TXNRD1: variants seen among roughly 807,000 people sequenced by gnomAD.
TXNRD1 encodes the protein thioredoxin reductase 1.
In TXNRD1, 57 loss-of-function variants were observed where a neutral mutation model predicts 80.3. That is an observed-to-expected ratio of 0.71 (90% CI 0.57 to 0.89). TXNRD1 has a LOEUF of 0.89. Among genes scored for constraint, TXNRD1 ranks in the 40% least tolerant of loss-of-function variants. TXNRD1 has a pLI of 0.00. For missense variants in TXNRD1, 730 were observed against 803.0 expected (o/e 0.91, Z 1.10); for synonymous variants, 291 against 285.2 (o/e 1.02, Z -0.20).
chr12:104,245,274 G>A (rs61109788), intron 1 of TXNRD1, among the ~76,000 whole-genome samples: 7,344 of 151,840 alleles, frequency 0.048, 470 homozygotes, highest in African/African-American at 0.15. Flanking sequence ...CACTTTGGGA[G>A]GCTGCGGCAG....
At chr12:104,345,176 T>G (rs1303662102) in intron 16 of TXNRD1, among the ~76,000 whole-genome samples, 1 of 152,240 alleles carries the variant, frequency 6.6e-6, no homozygotes, top group Non-Finnish European at 1.5e-5. Context: ...TGTTTTAATT[T>G]TACATGCCTT....
intron 4 of TXNRD1, among the ~76,000 whole-genome samples, chr12:104,302,010 T>G (rs960332004): frequency 6.6e-6 from 1 of 152,254 alleles, no homozygotes; most frequent in Non-Finnish European, 1.5e-5. Flanking sequence ...AGTTATACAT[T>G]CAGTACATAA....
intron 16 of TXNRD1, among the ~76,000 whole-genome samples, chr12:104,343,165 C>T (rs1023592588): frequency 1.3e-5 from 2 of 152,146 alleles, no homozygotes; most frequent in Non-Finnish European, 2.9e-5. Context: ...TTGTGAGCAC[C>T]CCATGCGGTG....
At chr12:104,268,382 G>A (rs1195891631) in intron 3 of TXNRD1, among the ~76,000 whole-genome samples, 5 of 150,790 alleles carry the variant, frequency 3.3e-5, no homozygotes, top group African/African-American at 9.7e-5. Context: ...CATATTAGCC[G>A]GGCATGGTGG....
At chr12:104,258,500 C>T (rs1456430646) in intron 3 of TXNRD1, among the ~76,000 whole-genome samples, 1 of 152,094 alleles carries the variant, frequency 6.6e-6, no homozygotes, top group Non-Finnish European at 1.5e-5. Flanking sequence ...GTGAAAGATC[C>T]ATGAAAAGTG....
At chr12:104,228,573 G>T (rs960325474) in intron 1 of TXNRD1, among the ~76,000 whole-genome samples, 1 of 152,160 alleles carries the variant, frequency 6.6e-6, no homozygotes, top group African/African-American at 2.4e-5. Flanking sequence ...AGAGATTGTG[G>T]TGAGCCAAGA....
At chr12:104,257,273 T>A (rs1273230538) in intron 2 of TXNRD1, among the ~76,000 whole-genome samples, 1 of 152,076 alleles carries the variant, frequency 6.6e-6, no homozygotes, top group African/African-American at 2.4e-5. Context: ...CAGAGCATAA[T>A]AGGTTTTTTG....
At chr12:104,237,036 G>T (rs1042379210) in intron 1 of TXNRD1, among the ~76,000 whole-genome samples, 2 of 151,872 alleles carry the variant, frequency 1.3e-5, no homozygotes, top group Non-Finnish European at 1.5e-5. Flanking sequence ...ACTCCGTTCT[G>T]GGGGGGTTGG....
Position 104,339,014 on chromosome 12 carries a change from C to A in TXNRD1, c.1747-125C>A. ...TACAGGCGTGAGCCACTGCGCCCGG[C>A]CAGTCTCTGGTCATTTTTGAGTTGG... On this transcript the variant is annotated intron_variant, in intron 15 of 16. Coordinates refer to ENST00000525566, the MANE Select transcript of TXNRD1 (RefSeq NM_001093771.3). 3.0e-6 allele frequency: 4 copies of A among 1,324,058 alleles called. No individual in the cohort carries two copies. In the South Asian group the frequency reaches 5.8e-5, roughly 19 times the overall value. The allele number at this position is 1,324,058 out of a possible 1,614,324, so 82.0% of individuals were successfully genotyped here. A position where few individuals can be genotyped will look rare whatever the true frequency, so the allele number is the denominator to read the frequency against.
At chr12:104,275,334 G>A (rs961963884) in intron 3 of TXNRD1, among the ~76,000 whole-genome samples, 1 of 152,038 alleles carries the variant, frequency 6.6e-6, no homozygotes, top group Non-Finnish European at 1.5e-5. Context: ...CAAGCTCTGG[G>A]TAATGAGAAT....
At chr12:104,219,413 G>A (rs777640554) in intron 1 of TXNRD1, among the ~76,000 whole-genome samples, 12 of 152,216 alleles carry the variant, frequency 7.9e-5, no homozygotes, top group Non-Finnish European at 1.5e-4. Flanking sequence ...CTCTTCAACC[G>A]AGCATCTATT....
chr12:104,285,409 G>C lies in TXNRD1; in HGVS notation c.305-3522G>C, dbSNP rs192419227. 1.5e-3 allele frequency among the ~76,000 whole-genome samples: 223 copies of C among 152,274 alleles called. 1 individual carries two copies. Among genetic ancestry groups the C allele is most frequent in the African/African-American group, 5.1e-3 (212 of 41,546 alleles). On this transcript the variant is annotated intron_variant, in intron 3 of 16. Transcript: ENST00000525566. ...ATTTAAAGAAAAATAACTACATGGT[G>C]CTACTCTGGGCATCTTTGCTATAAT...
intron 4 of TXNRD1, chr12:104,310,129 A>T: frequency 2.0e-6 from 3 of 1,466,642 alleles, no homozygotes; most frequent in Non-Finnish European, 2.7e-6. Flanking sequence ...TTTGTTATTA[A>T]AGTTAAGGCT....
At chr12:104,241,242 T>C (rs1470530774) in intron 1 of TXNRD1, among the ~76,000 whole-genome samples, 1 of 151,918 alleles carries the variant, frequency 6.6e-6, no homozygotes, top group Non-Finnish European at 1.5e-5. Flanking sequence ...GGTTTCACCA[T>C]GTTGGCCAGG....
chr12:104,270,822 G>C (rs2033635925), intron 3 of TXNRD1, among the ~76,000 whole-genome samples: 1 of 151,974 alleles, frequency 6.6e-6, no homozygotes, highest in African/African-American at 2.4e-5. Context: ...CTCCTTTATA[G>C]CAATACAGCC....
At chr12:104,292,678 G>A (rs116042880) in intron 4 of TXNRD1, among the ~76,000 whole-genome samples, 2,954 of 152,246 alleles carry the variant, frequency 0.019, 94 homozygotes, top group African/African-American at 0.066. Flanking sequence ...TACAGTGTGA[G>A]CCACCACGCC....
intron 2 of TXNRD1, among the ~76,000 whole-genome samples, chr12:104,255,061 G>A (rs572047690): frequency 2.6e-5 from 4 of 152,066 alleles, no homozygotes; most frequent in South Asian, 2.1e-4. Flanking sequence ...AGCCAAGATC[G>A]TGCCTCTAAG....
At chr12:104,304,306 T>A in intron 4 of TXNRD1, 8 of 1,614,076 alleles carry the variant, frequency 5.0e-6, no homozygotes, top group Non-Finnish European at 6.8e-6. Flanking sequence ...ACTTTCTGTT[T>A]CTGTTCGTGG....
At chr12:104,221,602 G>A (rs1276779260) in intron 1 of TXNRD1, among the ~76,000 whole-genome samples, 1 of 152,192 alleles carries the variant, frequency 6.6e-6, no homozygotes, top group African/African-American at 2.4e-5. Flanking sequence ...ATAGGCATGA[G>A]CCACCGCTCC....
Sources: gnomAD v4.1 joint callset for allele counts (sites outside exome capture counted in the v4.1 genomes callset) on GRCh38, gnomAD v4.1.1 for gene constraint, MANE v1.5 for transcripts, NCBI Gene and HGNC (gene_info 2026-07-23, HGNC 2026-07-21) for gene names.